The following SERBP1 variants were observed in gnomAD, a reference collection of about 807,000 sequenced individuals.
The protein encoded by SERBP1 is SERPINE1 mRNA binding protein 1.
A neutral mutation model predicts 50.2 loss-of-function variants in SERBP1; 6 were observed. That is an observed-to-expected ratio of 0.12 (90% CI 0.07 to 0.24). The LOEUF is 0.24. SERBP1 is among the 10% of genes least tolerant of loss of function. The pLI, the probability that SERBP1 is intolerant of heterozygous loss-of-function variation, is 1.00. For synonymous variants in SERBP1, 168 were observed against 182.8 expected, an observed-to-expected ratio of 0.92 and a Z score of 0.65; for missense variants, 346 against 524.9, an observed-to-expected ratio of 0.66 and a Z score of 3.33.
At position 67,411,069 on chromosome 1, in the gene SERBP1, T is replaced by C. The variant is rs796785160; in HGVS notation, c.*2138A>G. ...TTTAAGAAGTGAGCATGAAAATAAATCTTTATTTTCAGTTATTACCCACCA... is the reference window on the plus strand; with the variant it reads ...TTTAAGAAGTGAGCATGAAAATAAACCTTTATTTTCAGTTATTACCCACCA... On this transcript the variant is annotated 3_prime_UTR_variant, in exon 8 of 8. Coordinates refer to ENST00000361219, the MANE Select transcript of SERBP1 (RefSeq NM_001018069.2). 3 of 152,148 alleles carry C rather than the reference T, an allele frequency of 2.0e-5. No individual in the cohort carries two copies. In the South Asian group the frequency reaches 6.2e-4, roughly 31 times the overall value. The allele number at this position is 152,148 out of a possible 1,614,324, so 9.4% of individuals were successfully genotyped here. A position where few individuals can be genotyped will look rare whatever the true frequency, so the allele number is the denominator to read the frequency against.
In SERBP1 at chr1:67,410,583, G is replaced by A. The variant is rs764800839; in HGVS notation, c.*2624C>T. ...GTCTCCAATCATTTCAATACAAGCT[G>A]TAAAAATGCCTTAAAAATCTCAGGT... On this transcript the variant is annotated 3_prime_UTR_variant, in exon 8 of 8. Coordinates refer to ENST00000361219, the MANE Select transcript of SERBP1 (RefSeq NM_001018069.2). 6.6e-6 allele frequency: 1 copy of A among 152,116 alleles called. No homozygotes were observed. Among genetic ancestry groups the A allele is most frequent in the Non-Finnish European group, 1.5e-5 (1 of 67,992 alleles). The allele number at this position is 152,116 out of a possible 1,614,324, so 9.4% of individuals were successfully genotyped here. A position where few individuals can be genotyped will look rare whatever the true frequency, so the allele number is the denominator to read the frequency against.
chr1:67,419,850 A>G, intron 6 of SERBP1, 159 bp downstream of exon 6: 1 of 635,746 alleles, frequency 1.6e-6, no homozygotes, highest in Non-Finnish European at 2.8e-6. Context: ...ATATGTGATA[A>G]TACAGTTTAT....
chr1:67,417,061 C>G (rs1667034678), intron 6 of SERBP1, among the ~76,000 whole-genome samples: 1 of 152,138 alleles, frequency 6.6e-6, no homozygotes, highest in Non-Finnish European at 1.5e-5. Context: ...CAGGAGTTGG[C>G]ACAGGTGTGT....
Position 67,416,773 on chromosome 1 carries a change from G to A in SERBP1, c.952-1434C>T, listed in dbSNP as rs373035297. Among the ~76,000 whole-genome samples, 19 of 152,094 alleles carry A rather than the reference G, an allele frequency of 1.2e-4. No homozygotes were observed. The East Asian group carries it at 2.1e-3, about 17-fold the overall frequency. ...CAAACCAACACACTGTAAGGCAATAGAATGTTCTAATACAAATTTTAAAGG... is the reference window on the plus strand; with the variant it reads ...CAAACCAACACACTGTAAGGCAATAAAATGTTCTAATACAAATTTTAAAGG... On this transcript the variant is annotated intron_variant, in intron 6 of 7. Coordinates refer to ENST00000361219, the MANE Select transcript of SERBP1 (RefSeq NM_001018069.2).
In SERBP1 at chr1:67,420,075, T is replaced by C. The variant is rs1436735081; in HGVS notation, c.885A>G (p.Lys295=). 1.2e-6 allele frequency: 2 copies of C among 1,613,646 alleles called. No homozygotes were observed. The highest frequency in any genetic ancestry group is 1.7e-4 in the Middle Eastern group (1 of 6,052). Residue 295 remains lysine, a synonymous_variant, in exon 6 of 8, where the codon AAA becomes AAG. Transcript: ENST00000361219. ...ACTGCCCATCAGCACCTTCATTTGG[T>C]TTTCGGATATTAAATTCTACTTTTG... ...DRAKVEFNIR[K]PNEGADGQWK...
rs562588733 is a variant in SERBP1, at chr1:67,411,511, T to G, written c.*1696A>C. On this transcript the variant is annotated 3_prime_UTR_variant, in exon 8 of 8. Transcript: ENST00000361219. ...AAATTATATTAGACATTAGCACCAGTGCAGAACATGCTCAGCATCATAAGA... is the reference window on the plus strand; with the variant it reads ...AAATTATATTAGACATTAGCACCAGGGCAGAACATGCTCAGCATCATAAGA... The G allele has an allele frequency of 3.9e-5, 6 of 152,294 alleles. No homozygotes were observed. The South Asian group carries it at 1.2e-3, about 32-fold the overall frequency. 9.4% of individuals were successfully genotyped at this position (152,294 alleles called of 1,614,324 possible). A position where few individuals can be genotyped will look rare whatever the true frequency, so the allele number is the denominator to read the frequency against.
chr1:67,425,996 G>T, intron 2 of SERBP1, 139 bp downstream of exon 2: 1 of 662,368 alleles, frequency 1.5e-6, no homozygotes, highest in East Asian at 2.9e-5. Context: ...CTTGTAGTCC[G>T]AGCTACTCAA....
In SERBP1 at chr1:67,426,119, A is replaced by G; in HGVS notation, c.464+16T>C. ...GTTAGACCAAGACCCTGGCTCAAAAACAAGAAACAACTTACCTATCAACTG... is the reference window on the plus strand; with the variant it reads ...GTTAGACCAAGACCCTGGCTCAAAAGCAAGAAACAACTTACCTATCAACTG... On this transcript the variant is annotated intron_variant, in intron 2 of 7. Transcript: ENST00000361219. The G allele has an allele frequency of 6.3e-7, 1 of 1,597,458 alleles. No individual in the cohort carries two copies. Among genetic ancestry groups the G allele is most frequent in the South Asian group, 1.1e-5 (1 of 88,660 alleles).
intron 6 of SERBP1, among the ~76,000 whole-genome samples, chr1:67,415,551 C>T (rs1216756538): frequency 6.6e-6 from 1 of 152,194 alleles, no homozygotes; most frequent in Non-Finnish European, 1.5e-5. Flanking sequence ...CTCAAAATTG[C>T]AGGTAATACC....
rs563764351 is a variant in SERBP1, at chr1:67,429,343, C to T, written c.313+645G>A. 5.3e-5 allele frequency: 8 copies of T among 152,366 alleles called. No individual in the cohort carries two copies. The South Asian group carries it at 1.7e-3, about 32-fold the overall frequency. 9.4% of individuals were successfully genotyped at this position (152,366 alleles called of 1,614,324 possible). ...CGAGTGTGGCCAAACTCCTCCATTT[C>T]CCAACGGCTCAACTCACCCCAGCAA... On this transcript the variant is annotated intron_variant, in intron 1 of 7. Transcript: ENST00000361219.
intron 6 of SERBP1, among the ~76,000 whole-genome samples, chr1:67,418,585 C>A (rs924979862): frequency 2.0e-5 from 3 of 151,882 alleles, no homozygotes; most frequent in African/African-American, 7.3e-5. Context: ...ATGATGAAAC[C>A]TCATCTCTAC....
Position 67,412,165 on chromosome 1 carries a change from GTTTT to G in SERBP1, c.*1038_*1041del, listed in dbSNP as rs939400015. The G allele has an allele frequency of 1.8e-4, 28 of 152,694 alleles. No homozygotes were observed. Among genetic ancestry groups the G allele is most frequent in the African/African-American group, 6.5e-4 (27 of 41,548 alleles). 9.5% of individuals were successfully genotyped at this position (152,694 alleles called of 1,614,324 possible). A position where few individuals can be genotyped will look rare whatever the true frequency, so the allele number is the denominator to read the frequency against. ...TCACCCTACCAACCAGCGCCCTTTG[GTTTT>G]TGTTTTAGAACAAGGAAGGGTTAAA... On this transcript the variant is annotated 3_prime_UTR_variant, in exon 8 of 8. Coordinates refer to ENST00000361219, the MANE Select transcript of SERBP1 (RefSeq NM_001018069.2).
In SERBP1 at chr1:67,425,117, G is replaced by A. The variant is rs763708277; in HGVS notation, c.571C>T (p.Arg191Cys). Residue 191 changes from arginine to cysteine, a missense_variant, in exon 3 of 8, where the codon CGT becomes TGT. By Grantham distance (180) the Arg-to-Cys change is radical (BLOSUM62 -3). Coordinates refer to ENST00000361219, the MANE Select transcript of SERBP1 (RefSeq NM_001018069.2). ...CTTCCACTATGCCTATCAAATTCAC[G>A]TTTGCCACGAGAATCAAATCCATCT... ...RGDGFDSRGK[R>C]EFDRHSGSDR... 4.3e-6 allele frequency: 7 copies of A among 1,611,314 alleles called. No individual in the cohort carries two copies. The highest frequency in any genetic ancestry group is 1.3e-5 in the African/African-American group (1 of 74,802).
At position 67,425,729 on chromosome 1, in the gene SERBP1, C is replaced by T. The variant is rs72932887; in HGVS notation, c.464+406G>A. ...CCCAAAGATCTAAAGCTTAACAATGCACACATACAGATGTTTCTGTGAAAA... is the reference window on the plus strand; with the variant it reads ...CCCAAAGATCTAAAGCTTAACAATGTACACATACAGATGTTTCTGTGAAAA... On this transcript the variant is annotated intron_variant, in intron 2 of 7. Transcript: ENST00000361219. Among the ~76,000 whole-genome samples, 925 of 152,302 alleles carry T rather than the reference C, an allele frequency of 6.1e-3. 11 individuals are homozygous for T. Among genetic ancestry groups the T allele is most frequent in the African/African-American group, 0.021 (872 of 41,562 alleles).
intron 1 of SERBP1, among the ~76,000 whole-genome samples, chr1:67,429,282 A>G (rs1222633976): frequency 1.3e-5 from 2 of 152,278 alleles, no homozygotes; most frequent in South Asian, 2.1e-4. Flanking sequence ...TCCTGCAATC[A>G]CCAGTCTTCA....
rs1299328055 is a variant in SERBP1 at position 67,424,294 on chromosome 1, T to C, written c.696-17A>G. 6.2e-7 allele frequency: 1 copy of C among 1,610,078 alleles called. No individual in the cohort carries two copies. On this transcript the variant is annotated splice_polypyrimidine_tract_variant and intron_variant, in intron 4 of 7. Coordinates refer to ENST00000361219, the MANE Select transcript of SERBP1 (RefSeq NM_001018069.2). ...TCCAAGTCACTGTAATTATAAGATA[T>C]TTGTTTCTGAATGTATTTGGGGGAC...
At chr1:67,422,974 C>G (rs1423038314) in intron 5 of SERBP1, among the ~76,000 whole-genome samples, 1 of 148,294 alleles carries the variant, frequency 6.7e-6, no homozygotes, top group Non-Finnish European at 1.5e-5. Context: ...CAAAACAAAA[C>G]AAAACAAAAC....
chr1:67,416,053 C>G (rs1666995693), intron 6 of SERBP1, among the ~76,000 whole-genome samples: 1 of 146,508 alleles, frequency 6.8e-6, no homozygotes, highest in African/African-American at 2.5e-5. Flanking sequence ...CACTCTGTCA[C>G]CCAGGCTGGA....
In SERBP1 at chr1:67,411,675, T is replaced by C. The variant is rs1403540077; in HGVS notation, c.*1532A>G. On this transcript the variant is annotated 3_prime_UTR_variant, in exon 8 of 8. Coordinates refer to ENST00000361219, the MANE Select transcript of SERBP1 (RefSeq NM_001018069.2). Reference sequence around the variant, plus strand: ...AACATAAAAGTTTCTTTTAGAAGTATATGTGAGAACCAATCAGCTAAATAG... The same window carrying C: ...AACATAAAAGTTTCTTTTAGAAGTACATGTGAGAACCAATCAGCTAAATAG... 6.6e-6 allele frequency: 1 copy of C among 152,186 alleles called. No individual in the cohort carries two copies. The highest frequency in any genetic ancestry group is 1.5e-5 in the Non-Finnish European group (1 of 68,012). The allele number at this position is 152,186 out of a possible 1,614,324, so 9.4% of individuals were successfully genotyped here.
Sources: allele counts gnomAD v4.1 joint callset (sites outside exome capture counted in the v4.1 genomes callset), GRCh38; gene constraint gnomAD v4.1.1; transcripts MANE v1.5; gene names NCBI Gene and HGNC (gene_info 2026-07-23, HGNC 2026-07-21).